PCDH15: variants seen among roughly 807,000 people sequenced by gnomAD.
The protein encoded by PCDH15 is protocadherin related 15, also known as protocadherin-15.
PCDH15 carries 129 observed loss-of-function variants against 178.5 expected under a neutral mutation model. The observed-to-expected ratio is 0.72, with a 90% CI of 0.63 to 0.84. PCDH15 has a LOEUF of 0.84. PCDH15 is among the 40% of genes least tolerant of loss of function. PCDH15 has a pLI of 0.00. For synonymous variants in PCDH15, 800 were observed against 732.0 expected (o/e 1.09, Z -1.50); for missense variants, 2,230 against 2,099.9 (o/e 1.06, Z -1.21).
Position 54,230,911 on chromosome 10 carries a change from C to T in PCDH15, c.985+5912G>A, listed in dbSNP as rs146299316. On this transcript the variant is annotated intron_variant, in intron 9 of 37. Transcript: ENST00000644397. ...TAATACTACAAGCTACTGTTACAAG[C>T]TAAAGTCAGCAGACTTTCTTATATT... Among the ~76,000 whole-genome samples the T allele has an allele frequency of 2.1e-3, 319 of 152,202 alleles. 4 individuals are homozygous for T. The highest frequency in any genetic ancestry group is 7.3e-3 in the African/African-American group (305 of 41,522).
chr10:54,296,323 C>T (rs992301267), intron 8 of PCDH15, among the ~76,000 whole-genome samples: 1 of 152,006 alleles, frequency 6.6e-6, no homozygotes, highest in East Asian at 2.0e-4. Context: ...CGAGGGTAGA[C>T]AGAGTGGAAA....
At chr10:54,147,674 T>C (rs1037151350) in intron 14 of PCDH15, among the ~76,000 whole-genome samples, 1 of 151,914 alleles carries the variant, frequency 6.6e-6, no homozygotes, top group Admixed American at 6.6e-5. Context: ...TGGTTTTATT[T>C]TAATATTCAA....
At chr10:53,982,116 T>C (rs2090699434) in intron 21 of PCDH15, among the ~76,000 whole-genome samples, 1 of 151,944 alleles carries the variant, frequency 6.6e-6, no homozygotes, top group Non-Finnish European at 1.5e-5. Flanking sequence ...AAAACCACAA[T>C]GAGATACCAT....
intron 32 of PCDH15, among the ~76,000 whole-genome samples, chr10:53,824,073 T>TTGTC (rs1044063282): frequency 2.6e-5 from 4 of 152,124 alleles, no homozygotes; most frequent in African/African-American, 9.7e-5. Flanking sequence ...AGAAAAGATG[T>TTGTC]TGTCAGTAAT....
At chr10:54,602,986 A>C (rs572208067) in intron 2 of PCDH15, among the ~76,000 whole-genome samples, 149 of 152,062 alleles carry the variant, frequency 9.8e-4, no homozygotes, top group Non-Finnish European at 1.5e-3. Flanking sequence ...ATGAGTTTGT[A>C]AGTGTTCCAT....
intron 25 of PCDH15, among the ~76,000 whole-genome samples, chr10:53,919,429 A>C (rs1223822710): frequency 2.0e-5 from 3 of 152,216 alleles, no homozygotes; most frequent in Admixed American, 6.5e-5. Context: ...AACATCACTG[A>C]CAGAAAGCTT....
rs528383967 is a variant in PCDH15, at chr10:55,256,687, G to A, written c.-156+62912C>T. Among the ~76,000 whole-genome samples, 25 of 152,286 alleles carry A rather than the reference G, an allele frequency of 1.6e-4. No homozygotes were observed. The South Asian group carries it at 2.9e-3, about 18-fold the overall frequency. ...CAGCGAGGCTGGGGGAGGGGCGCCCGCCATTGCTCAGGCCTGAGTAGGTAA... is the reference window on the plus strand; with the variant it reads ...CAGCGAGGCTGGGGGAGGGGCGCCCACCATTGCTCAGGCCTGAGTAGGTAA... On this transcript the variant is annotated intron_variant, in intron 1 of 5. Coordinates refer to the PCDH15 transcript ENST00000458638.
chr10:54,751,912 A>G (rs1023882834), intron 1 of PCDH15, among the ~76,000 whole-genome samples: 5 of 152,178 alleles, frequency 3.3e-5, no homozygotes, highest in Non-Finnish European at 7.4e-5. Flanking sequence ...TTATACTGCC[A>G]TTTAATGCTA....
intron 2 of PCDH15, among the ~76,000 whole-genome samples, chr10:55,024,046 T>C (rs1348079613): frequency 1.5e-5 from 2 of 134,766 alleles, no homozygotes; most frequent in African/African-American, 5.5e-5. Context: ...CTTTCTCTGA[T>C]ACAGATGTAT....
At chr10:55,166,724 A>C (rs192643219) in intron 1 of PCDH15, 2 of 152,318 alleles carry the variant, frequency 1.3e-5, no homozygotes, top group Non-Finnish European at 2.9e-5. Flanking sequence ...CATAGGAGCA[A>C]TTCATTTTCT....
intron 2 of PCDH15, among the ~76,000 whole-genome samples, chr10:55,020,229 A>G (rs1314069568): frequency 6.6e-6 from 1 of 151,580 alleles, no homozygotes; most frequent in East Asian, 1.9e-4. Context: ...TACTGTGCAA[A>G]TACTCCATGC....
chr10:54,757,533 G>C (rs1271821401), intron 1 of PCDH15, among the ~76,000 whole-genome samples: 3 of 32,294 alleles, frequency 9.3e-5, no homozygotes, highest in East Asian at 8.8e-4. Flanking sequence ...CGCCCGTCTC[G>C]GCCTCCCAAA....
chr10:54,412,164 C>G (rs1953628944), intron 3 of PCDH15, among the ~76,000 whole-genome samples: 1 of 151,140 alleles, frequency 6.6e-6, no homozygotes, highest in Admixed American at 6.6e-5. Flanking sequence ...AGTAAACAAA[C>G]TGAAAAACAA....
chr10:54,430,134 C>A (rs1956795623), intron 3 of PCDH15, among the ~76,000 whole-genome samples: 2 of 149,478 alleles, frequency 1.3e-5, no homozygotes, highest in Admixed American at 1.3e-4. Flanking sequence ...CGGCTCACTG[C>A]AGCCTCCACC....
chr10:53,987,820 T>A (rs2091211803), intron 21 of PCDH15, among the ~76,000 whole-genome samples: 3 of 152,178 alleles, frequency 2.0e-5, no homozygotes, highest in African/African-American at 7.2e-5. Flanking sequence ...ATTGAAAACT[T>A]CTTTTCACCT....
At chr10:54,575,528 A>AT (rs1401292610) in intron 2 of PCDH15, among the ~76,000 whole-genome samples, 1 of 152,150 alleles carries the variant, frequency 6.6e-6, no homozygotes, top group Admixed American at 6.6e-5. Context: ...GTTTAACAAT[A>AT]TATCTTGGGA....
intron 27 of PCDH15, among the ~76,000 whole-genome samples, chr10:53,865,752 G>T (rs58464097): frequency 0.79 from 119,774 of 151,606 alleles, 48,439 homozygotes; most frequent in East Asian, 1. Flanking sequence ...GAAAAATAAA[G>T]CATTGATGTC....
At position 54,298,288 on chromosome 10, in the gene PCDH15, A is replaced by G. The variant is rs1326937234; in HGVS notation, c.876+18983T>C. On this transcript the variant is annotated intron_variant, in intron 8 of 37. Transcript: ENST00000644397. ...ACAGATATCAAAAGAAAGCTCCAAA[A>G]GTGAGCCCTAGGCCCTGAATAAAAT... Among the ~76,000 whole-genome samples, 5 of 152,156 alleles carry G rather than the reference A, an allele frequency of 3.3e-5. No homozygotes were observed. In the East Asian group the frequency reaches 9.7e-4, roughly 29 times the overall value.
chr10:55,084,222 G>A (rs756186983), intron 2 of PCDH15, among the ~76,000 whole-genome samples: 3 of 151,616 alleles, frequency 2.0e-5, no homozygotes, highest in East Asian at 1.9e-4. Context: ...AAACAAAGTG[G>A]TAGACAAAAA....
Sources: allele counts gnomAD v4.1 joint callset (sites outside exome capture counted in the v4.1 genomes callset), GRCh38; gene constraint gnomAD v4.1.1; transcripts MANE v1.5; gene names NCBI Gene and HGNC (gene_info 2026-07-23, HGNC 2026-07-21).